Variants in LRRN1 observed in about 807,000 individuals in gnomAD.
LRRN1 encodes the protein leucine rich repeat neuronal 1, also known as leucine-rich repeat neuronal protein 1.
A neutral mutation model predicts 45.8 loss-of-function variants in LRRN1; 14 were observed. The ratio of observed to expected loss-of-function variants is 0.31; its 90% CI spans 0.20 to 0.48. LRRN1 has a LOEUF of 0.48. Among genes scored for constraint, LRRN1 ranks in the 20% least tolerant of loss-of-function variants. LRRN1 has a pLI of 0.99. For missense variants in LRRN1, 789 were observed against 874.2 expected (o/e 0.90, Z 1.23); for synonymous variants, 359 against 330.1 (o/e 1.09, Z -0.95).
chr3:3,838,476 T>C (rs1288468965), intron 1 of LRRN1, among the ~76,000 whole-genome samples: 1 of 152,204 alleles, frequency 6.6e-6, no homozygotes, highest in African/African-American at 2.4e-5. Flanking sequence ...TGAATAATAA[T>C]AGGTGCAATG....
rs1283428515 is a variant in LRRN1, at chr3:3,849,619, A to G, written c.*2827A>G. ...TTTTGCTTTCTGCTGCCTTCAGGGT[A>G]TATAGTGTATCTCTAACCTGATTTT... On this transcript the variant is annotated 3_prime_UTR_variant, in exon 2 of 2. Transcript: ENST00000319331. Among the ~76,000 whole-genome samples the G allele has an allele frequency of 6.6e-6, 1 of 152,190 alleles. No individual in the cohort carries two copies. Among genetic ancestry groups the G allele is most frequent in the African/African-American group, 2.4e-5 (1 of 41,452 alleles).
In LRRN1 at chr3:3,816,978, T is replaced by C. The variant is rs6788973; in HGVS notation, c.-279+17059T>C. 0.016 allele frequency among the ~76,000 whole-genome samples: 2,437 copies of C among 152,226 alleles called. 65 individuals are homozygous for C. The highest frequency in any genetic ancestry group is 0.056 in the African/African-American group (2,313 of 41,538). ...GTGATTGATTGATTGATTGATAAGA[T>C]AGATAAGATACGATAGAGAGATTTA... On this transcript the variant is annotated intron_variant, in intron 1 of 1. Coordinates refer to ENST00000319331, the MANE Select transcript of LRRN1 (RefSeq NM_020873.7). The surrounding 1 kb of genome is among the most constrained non-coding windows in gnomAD (Gnocchi z 4.0).
chr3:3,817,077 A>T (rs542753782), intron 1 of LRRN1, among the ~76,000 whole-genome samples: 6 of 152,230 alleles, frequency 3.9e-5, no homozygotes, highest in Non-Finnish European at 7.4e-5. Context: ...TGGAAAACTG[A>T]TGTTCTGTCC....
chr3:3,848,943 T>C lies in LRRN1; in HGVS notation c.*2151T>C, dbSNP rs532393089. ...AGGGCAGATCAGACGGTGTCTCTAC[T>C]GTTAGTATTGCAAAGTATGTATGGG... is the stretch of plus-strand genomic sequence containing the variant. On this transcript the variant is annotated 3_prime_UTR_variant, in exon 2 of 2. Transcript: ENST00000319331. Among the ~76,000 whole-genome samples the C allele has an allele frequency of 6.6e-6, 1 of 152,344 alleles. No homozygotes were observed. Among genetic ancestry groups the C allele is most frequent in the African/African-American group, 2.4e-5 (1 of 41,588 alleles).
intron 1 of LRRN1, among the ~76,000 whole-genome samples, chr3:3,817,831 A>T (rs908791394): frequency 6.6e-6 from 1 of 152,226 alleles, no homozygotes; most frequent in Admixed American, 6.5e-5. Flanking sequence ...TCTGAAATGA[A>T]TGTGAAAATG....
At chr3:3,810,777 G>A (rs1258065297) in intron 1 of LRRN1, among the ~76,000 whole-genome samples, 3 of 152,202 alleles carry the variant, frequency 2.0e-5, no homozygotes, top group Non-Finnish European at 4.4e-5. Flanking sequence ...GTGATCCTTA[G>A]GGAGATGAAC....
chr3:3,818,024 C>CT (rs2106456756), intron 1 of LRRN1, among the ~76,000 whole-genome samples: 1 of 152,320 alleles, frequency 6.6e-6, no homozygotes, highest in South Asian at 2.1e-4. Context: ...AGTGACGAGT[C>CT]TATTTTTTCA....
intron 1 of LRRN1, among the ~76,000 whole-genome samples, chr3:3,813,553 A>G (rs556754336): frequency 6.6e-6 from 1 of 152,120 alleles, no homozygotes; most frequent in South Asian, 2.1e-4. Flanking sequence ...TTTATTACTA[A>G]CCTGCTTTTC....
chr3:3,846,212 C>T lies in LRRN1; in HGVS notation c.1571C>T (p.Thr524Ile), dbSNP rs1270599728. 1 of 1,613,872 alleles carries T rather than the reference C, an allele frequency of 6.2e-7. No individual in the cohort carries two copies. Among genetic ancestry groups the T allele is most frequent in the African/African-American group, 1.3e-5 (1 of 74,898 alleles). Reference protein sequence around the residue: ...IKVNGTLLDGTQVLKIYVKQT... With the variant: ...IKVNGTLLDGIQVLKIYVKQT... ...GTTAATGGGACCCTTCTGGATGGTACCCAGGTGCTAAAAATATACGTCAAG... is the reference window on the plus strand; with the variant it reads ...GTTAATGGGACCCTTCTGGATGGTATCCAGGTGCTAAAAATATACGTCAAG... Residue 524 changes from threonine (T) to isoleucine (I), a missense_variant, in exon 2 of 2, where the codon ACC (threonine) becomes ATC (isoleucine). By Grantham distance (89) the Thr-to-Ile change is moderately conservative. Transcript: ENST00000319331. This position sits in a 1 kb window ranked among gnomAD's most constrained non-coding sequence, Gnocchi z 5.7.
chr3:3,813,366 T>C (rs940327920), intron 1 of LRRN1, among the ~76,000 whole-genome samples: 9 of 152,256 alleles, frequency 5.9e-5, no homozygotes, highest in Non-Finnish European at 1.2e-4. Context: ...ATTTTGCCCT[T>C]GTAACAATTT....
chr3:3,810,311 T>C (rs535759568), intron 1 of LRRN1, among the ~76,000 whole-genome samples: 1 of 152,222 alleles, frequency 6.6e-6, no homozygotes, highest in South Asian at 2.1e-4. Context: ...CCCAAAAGCT[T>C]CACCTCTCTG....
intron 1 of LRRN1, among the ~76,000 whole-genome samples, chr3:3,810,839 A>G (rs962518301): frequency 1.6e-4 from 24 of 152,138 alleles, no homozygotes; most frequent in Non-Finnish European, 7.4e-5. Flanking sequence ...CCCGTGTTTT[A>G]GCTAGCTGAT....
chr3:3,840,214 G>A (rs1693618499), intron 1 of LRRN1, among the ~76,000 whole-genome samples: 1 of 152,080 alleles, frequency 6.6e-6, no homozygotes, highest in South Asian at 2.1e-4. Context: ...AGATGGTTTT[G>A]TGCATCAATT....
At position 3,849,326 on chromosome 3, in the gene LRRN1, G is replaced by A. The variant is rs183611047; in HGVS notation, c.*2534G>A. ...ATCTTCTGCCAGCCCAGTTTGGGGG[G>A]AAAAACCCCTTTTACATTTTTCTTC... On this transcript the variant is annotated 3_prime_UTR_variant, in exon 2 of 2. Transcript: ENST00000319331. Among the ~76,000 whole-genome samples, 1 of 152,264 alleles carries A rather than the reference G, an allele frequency of 6.6e-6. No individual in the cohort carries two copies. The highest frequency in any genetic ancestry group is 1.5e-5 in the Non-Finnish European group (1 of 68,014).
At chr3:3,810,447 C>A (rs903256335) in intron 1 of LRRN1, among the ~76,000 whole-genome samples, 4 of 152,212 alleles carry the variant, frequency 2.6e-5, no homozygotes, top group Non-Finnish European at 5.9e-5. Context: ...CGTCATCATA[C>A]AATATCATCA....
At chr3:3,807,346 C>G (rs565670756) in intron 1 of LRRN1, among the ~76,000 whole-genome samples, 1 of 152,300 alleles carries the variant, frequency 6.6e-6, no homozygotes, top group East Asian at 1.9e-4. Context: ...ATAGTGGTAT[C>G]ATTTTCTGTT....
chr3:3,836,835 A>T (rs1050587739), intron 1 of LRRN1, among the ~76,000 whole-genome samples: 1 of 152,136 alleles, frequency 6.6e-6, no homozygotes, highest in Non-Finnish European at 1.5e-5. Flanking sequence ...GGTACCACAT[A>T]AGAAGGTTCA....
intron 1 of LRRN1, among the ~76,000 whole-genome samples, chr3:3,821,789 A>G (rs1693111404): frequency 6.6e-6 from 1 of 152,174 alleles, no homozygotes; most frequent in East Asian, 1.9e-4. Context: ...AGTATTTGCA[A>G]GCCTAAACCT....
chr3:3,835,929 G>T (rs912401738), intron 1 of LRRN1, among the ~76,000 whole-genome samples: 2 of 151,604 alleles, frequency 1.3e-5, no homozygotes, highest in African/African-American at 4.8e-5. Flanking sequence ...AATGCATCCC[G>T]TGCCAATTCT....
Sources: allele counts gnomAD v4.1 joint callset (sites outside exome capture counted in the v4.1 genomes callset), GRCh38; gene constraint gnomAD v4.1.1; non-coding constraint Gnocchi (gnomAD v3.1); transcripts MANE v1.5; gene names NCBI Gene and HGNC (gene_info 2026-07-23, HGNC 2026-07-21).